FOCAD: variants seen among roughly 807,000 people sequenced by gnomAD.
The protein encoded by FOCAD is KIAA1797.
Under a neutral mutation model 225.6 loss-of-function variants are expected in FOCAD, and 198 were observed. The observed-to-expected ratio is 0.88, with a 90% CI of 0.78 to 0.99. The LOEUF (loss-of-function observed/expected upper bound fraction) is 0.99, where lower values mean the gene tolerates loss of function less well. FOCAD is among the 50% of genes least tolerant of loss of function. FOCAD has a pLI of 0.00. For missense variants in FOCAD, 2,713 were observed against 2,123.6 expected (o/e 1.28, Z -5.46); for synonymous variants, 897 against 755.0 (o/e 1.19, Z -3.08).
At chr9:20,944,287 T>G (rs1313805789) in intron 28 of FOCAD, among the ~76,000 whole-genome samples, 1 of 152,212 alleles carries the variant, frequency 6.6e-6, no homozygotes, top group Non-Finnish European at 1.5e-5. Flanking sequence ...CAGGGAAAAC[T>G]ACAGCATTTC....
intron 2 of FOCAD, among the ~76,000 whole-genome samples, chr9:20,675,615 A>T (rs1563869197): frequency 6.6e-6 from 1 of 152,248 alleles, no homozygotes; most frequent in African/African-American, 2.4e-5. Context: ...TTGAAACCAA[A>T]GTAATTTTCT....
chr9:20,803,539 T>C (rs1450542699), intron 11 of FOCAD, among the ~76,000 whole-genome samples: 1 of 152,154 alleles, frequency 6.6e-6, no homozygotes, highest in Non-Finnish European at 1.5e-5. Flanking sequence ...GTGTTCCCTT[T>C]GACAGAACAT....
intron 35 of FOCAD, among the ~76,000 whole-genome samples, chr9:20,970,355 C>G (rs1322011005): frequency 1.3e-5 from 2 of 151,990 alleles, no homozygotes; most frequent in Non-Finnish European, 2.9e-5. Context: ...CTTGATGTAT[C>G]CTTAGGCTCA....
chr9:20,746,312 T>TA (rs1417396920), intron 5 of FOCAD, among the ~76,000 whole-genome samples: 5 of 152,004 alleles, frequency 3.3e-5, no homozygotes, highest in African/African-American at 1.2e-4. Context: ...TGAGAGGAAC[T>TA]AACAGGAGGC....
In FOCAD at chr9:20,934,226, T is replaced by A. The variant is rs186159951; in HGVS notation, c.3407+1123T>A. ...CTCTTTCGTTTAATTAAGTCCAAGC[T>A]ATTTATCGTTTTTAACTGCATTTGC... On this transcript the variant is annotated intron_variant, in intron 28 of 43. Transcript: ENST00000338382. Among the ~76,000 whole-genome samples, 7 of 152,306 alleles carry A rather than the reference T, an allele frequency of 4.6e-5. No homozygotes were observed. The East Asian group carries it at 1.4e-3, about 29-fold the overall frequency.
intron 35 of FOCAD, among the ~76,000 whole-genome samples, chr9:20,955,683 A>G (rs550412330): frequency 1.6e-4 from 24 of 152,154 alleles, no homozygotes; most frequent in African/African-American, 5.8e-4. Context: ...TTTGCTCATC[A>G]TCTAATTCCT....
chr9:20,720,451 A>C lies in FOCAD; in HGVS notation c.204A>C (p.Glu68Asp). 6.2e-7 allele frequency: 1 copy of C among 1,614,100 alleles called. No individual in the cohort carries two copies. The highest frequency in any genetic ancestry group is 8.5e-7 in the Non-Finnish European group (1 of 1,180,000). ...DNVVVRTACC[E>D]GLVALVAQDH... The stretch of plus-strand genomic sequence containing the variant: ...TAGTGGTTCGAACAGCCTGCTGTGA[A>C]GGTCTGGTGGCACTCGTTGCTCAGG... The change falls in exon 4 of 44, where the codon GAA (glutamate) becomes GAC (aspartate). Residue 68 changes from glutamate (E) to aspartate (D), a missense_variant. Coordinates refer to ENST00000338382, the MANE Select transcript of FOCAD (RefSeq NM_001375567.1).
At position 20,986,282 on chromosome 9, in the gene FOCAD, T is replaced by TTTTTTTTTTTTTTTTTTTTTTTTTAA; in HGVS notation, c.4729-5_4729-4insTTTTTTTTTTTTTTTTTTTTTTTAAT. 6.8e-7 allele frequency: 1 copy of TTTTTTTTTTTTTTTTTTTTTTTTTAA among 1,474,150 alleles called. No homozygotes were observed. Among genetic ancestry groups the TTTTTTTTTTTTTTTTTTTTTTTTTAA allele is most frequent in the Non-Finnish European group, 9.0e-7 (1 of 1,112,184 alleles). The allele number at this position is 1,474,150 out of a possible 1,614,324, so 91.3% of individuals were successfully genotyped here. On this transcript the variant is annotated splice_polypyrimidine_tract_variant and splice_region_variant and intron_variant, in intron 39 of 43. Transcript: ENST00000338382. ...AACTAAACAATTTTTTTTTTTTTTT[T>TTTTTTTTTTTTTTTTTTTTTTTTTAA]TGCAGAGCAACATAGAAAAAGCTGC... is the stretch of plus-strand genomic sequence containing the variant.
intron 6 of FOCAD, among the ~76,000 whole-genome samples, chr9:20,764,629 C>G (rs1156236297): frequency 2.0e-5 from 3 of 152,228 alleles, no homozygotes; most frequent in Admixed American, 6.5e-5. Flanking sequence ...TAGAGACTGT[C>G]TTCATCCTGG....
chr9:20,687,564 G>A (rs1239157565), intron 1 of FOCAD, among the ~76,000 whole-genome samples: 1 of 152,156 alleles, frequency 6.6e-6, no homozygotes, highest in African/African-American at 2.4e-5. Context: ...AACCAAACCT[G>A]ATTTTAGTAT....
intron 35 of FOCAD, among the ~76,000 whole-genome samples, chr9:20,967,168 T>C (rs958241135): frequency 6.6e-6 from 1 of 152,134 alleles, no homozygotes; most frequent in African/African-American, 2.4e-5. Context: ...AAGATGTCTT[T>C]CTATTTATTT....
At chr9:20,722,641 C>T (rs568208407) in intron 4 of FOCAD, among the ~76,000 whole-genome samples, 26 of 152,298 alleles carry the variant, frequency 1.7e-4, no homozygotes, top group Non-Finnish European at 2.5e-4. Context: ...TGTTTCTACA[C>T]GCATTCACAT....
chr9:20,814,717 C>T (rs1823475020), intron 11 of FOCAD, among the ~76,000 whole-genome samples: 1 of 152,058 alleles, frequency 6.6e-6, no homozygotes, highest in Admixed American at 6.6e-5. Context: ...ATGGGACTTA[C>T]ATCAATATCT....
intron 11 of FOCAD, among the ~76,000 whole-genome samples, chr9:20,804,026 T>C (rs955801949): frequency 2.6e-5 from 4 of 152,130 alleles, no homozygotes; most frequent in Non-Finnish European, 5.9e-5. Context: ...AAGTTTAGGC[T>C]TCAGTGGGCA....
At chr9:20,953,128 G>A (rs1837834024) in intron 35 of FOCAD, 63 bp downstream of exon 35, 1 of 1,353,740 alleles carries the variant, frequency 7.4e-7, no homozygotes, top group East Asian at 2.3e-5. Flanking sequence ...GTAAATTTGT[G>A]TACCCTAAGC....
chr9:20,863,842 C>T (rs914348128), intron 16 of FOCAD, among the ~76,000 whole-genome samples: 1 of 152,024 alleles, frequency 6.6e-6, no homozygotes, highest in Non-Finnish European at 1.5e-5. Flanking sequence ...ATTGCTTGTA[C>T]CTTGAGTTAA....
intron 24 of FOCAD, among the ~76,000 whole-genome samples, chr9:20,923,088 A>G (rs1480135115): frequency 2.6e-5 from 4 of 152,316 alleles, no homozygotes; most frequent in East Asian, 3.9e-4. Context: ...TCCAAATTAT[A>G]TTACAAACTG....
At chr9:20,909,482 T>G (rs964449504) in intron 22 of FOCAD, among the ~76,000 whole-genome samples, 3 of 152,072 alleles carry the variant, frequency 2.0e-5, no homozygotes, top group Non-Finnish European at 4.4e-5. Flanking sequence ...GCAAATCTAT[T>G]TGATCTATGA....
In FOCAD at chr9:20,715,314, G is replaced by T; in HGVS notation, c.-32-8G>T. 7.2e-7 allele frequency: 1 copy of T among 1,392,154 alleles called. No homozygotes were observed. Among genetic ancestry groups the T allele is most frequent in the South Asian group, 1.7e-5 (1 of 59,286 alleles). 86.2% of individuals were successfully genotyped at this position (1,392,154 alleles called of 1,614,324 possible). On this transcript the variant is annotated splice_region_variant and splice_polypyrimidine_tract_variant and intron_variant, in intron 1 of 43. Coordinates refer to ENST00000338382, the MANE Select transcript of FOCAD (RefSeq NM_001375567.1). The stretch of plus-strand genomic sequence containing the variant: ...AGACTAACAAATATTCTTTTGTTTT[G>T]GTTACAGAAGCTGCACACATACATG...
Sources: gnomAD v4.1 joint callset for allele counts (sites outside exome capture counted in the v4.1 genomes callset) on GRCh38, gnomAD v4.1.1 for gene constraint, MANE v1.5 for transcripts, NCBI Gene and HGNC (gene_info 2026-07-23, HGNC 2026-07-21) for gene names.